Variants in GALNTL6 observed in about 807,000 individuals in gnomAD.
GALNTL6 encodes the protein polypeptide N-acetylgalactosaminyltransferase like 6.
Under a neutral mutation model 73.7 loss-of-function variants are expected in GALNTL6, and 46 were observed. That is an observed-to-expected ratio of 0.62 (90% CI 0.49 to 0.80). The LOEUF (loss-of-function observed/expected upper bound fraction) is 0.80, where lower values mean the gene tolerates loss of function less well. Ranked by LOEUF, GALNTL6 falls within the 30% of genes least tolerant of loss-of-function variation. GALNTL6 has a pLI of 0.00. For synonymous variants in GALNTL6, 259 were observed against 263.7 expected (o/e 0.98, Z 0.17); for missense variants, 604 against 755.0 (o/e 0.80, Z 2.34).
At chr4:172,255,092 G>A (rs1738026123) in intron 3 of GALNTL6, among the ~76,000 whole-genome samples, 2 of 151,630 alleles carry the variant, frequency 1.3e-5, no homozygotes, top group African/African-American at 4.8e-5. Flanking sequence ...TTAAACAATT[G>A]TTTAATGTCA....
intron 5 of GALNTL6, among the ~76,000 whole-genome samples, chr4:172,387,537 G>A (rs1294655555): frequency 6.6e-6 from 1 of 152,064 alleles, no homozygotes; most frequent in Non-Finnish European, 1.5e-5. Context: ...TACCCAATGA[G>A]TCATTTTTCT....
At chr4:172,516,697 G>C (rs1734618714) in intron 5 of GALNTL6, among the ~76,000 whole-genome samples, 1 of 152,002 alleles carries the variant, frequency 6.6e-6, no homozygotes, top group Admixed American at 6.6e-5. Flanking sequence ...ACATCCAAAA[G>C]AATTGAAAGC....
intron 2 of GALNTL6, among the ~76,000 whole-genome samples, chr4:171,834,712 C>T (rs531278416): frequency 6.6e-6 from 1 of 151,944 alleles, no homozygotes; most frequent in East Asian, 1.9e-4. Context: ...AAAGATGTGT[C>T]CCTAGAAAAT....
intron 2 of GALNTL6, among the ~76,000 whole-genome samples, chr4:171,890,851 A>G (rs147035723): frequency 6.6e-6 from 1 of 151,878 alleles, no homozygotes; most frequent in East Asian, 1.9e-4. Flanking sequence ...TCAAGTCATT[A>G]CCGGTAAAAT....
At chr4:171,936,218 T>C (rs1334917805) in intron 2 of GALNTL6, among the ~76,000 whole-genome samples, 1 of 152,070 alleles carries the variant, frequency 6.6e-6, no homozygotes, top group Non-Finnish European at 1.5e-5. Context: ...TAATAGAAGT[T>C]TGAAGGCAAG....
chr4:172,778,714 G>A (rs11132967), intron 5 of GALNTL6, among the ~76,000 whole-genome samples: 79,625 of 152,006 alleles, frequency 0.52, 21,621 homozygotes, highest in East Asian at 0.78. Context: ...CAACTGTCAC[G>A]ACCAAACTTG....
At chr4:172,169,962 G>T (rs1156447613) in intron 2 of GALNTL6, among the ~76,000 whole-genome samples, 1 of 152,196 alleles carries the variant, frequency 6.6e-6, no homozygotes, top group South Asian at 2.1e-4. Context: ...TCATTTGACA[G>T]AAAGGAAAAC....
At chr4:172,270,949 T>A (rs200635496) in intron 3 of GALNTL6, among the ~76,000 whole-genome samples, 2 of 152,170 alleles carry the variant, frequency 1.3e-5, no homozygotes, top group East Asian at 3.8e-4. Context: ...CAGATTTTAT[T>A]GAAATAAAAT....
At chr4:171,929,612 C>A (rs1023612724) in intron 2 of GALNTL6, among the ~76,000 whole-genome samples, 1 of 152,210 alleles carries the variant, frequency 6.6e-6, no homozygotes, top group Non-Finnish European at 1.5e-5. Flanking sequence ...CTAGCCAGCC[C>A]ACTGTACGTG....
intron 2 of GALNTL6, among the ~76,000 whole-genome samples, chr4:171,874,279 G>A (rs951143380): frequency 6.6e-6 from 1 of 151,904 alleles, no homozygotes; most frequent in Non-Finnish European, 1.5e-5. Context: ...CTTGGCTCAC[G>A]GCAACCTCCG....
chr4:172,311,524 C>T (rs761520528), intron 3 of GALNTL6, 90 bp from the exon 4 acceptor site: 12 of 1,059,080 alleles, frequency 1.1e-5, no homozygotes, highest in Middle Eastern at 2.2e-4. Context: ...CAGCAATAGG[C>T]GATAATACAC....
intron 2 of GALNTL6, among the ~76,000 whole-genome samples, chr4:171,950,604 C>T (rs916675472): frequency 3.3e-5 from 5 of 151,818 alleles, no homozygotes; most frequent in East Asian, 1.9e-4. Context: ...CTCAGCCTCC[C>T]GAGTAGCTGG....
rs577410386 is a variant in GALNTL6 at position 172,594,335 on chromosome 4, ACT to A, written c.554-215023_554-215022del. Among the ~76,000 whole-genome samples, 78 of 152,158 alleles carry A rather than the reference ACT, an allele frequency of 5.1e-4. 1 individual carries two copies. The South Asian group carries it at 0.016, about 31-fold the overall frequency. Reference sequence around the variant, plus strand: ...ACTCCAGCCTGGGTGACAGAGCGAAACTCTGTCTCAAAAAAAGTAAAAAGAAA... The same window carrying A: ...ACTCCAGCCTGGGTGACAGAGCGAAACTGTCTCAAAAAAAGTAAAAAGAAA... On this transcript the variant is annotated intron_variant, in intron 5 of 12. Transcript: ENST00000506823.
intron 10 of GALNTL6, among the ~76,000 whole-genome samples, chr4:173,008,583 G>A (rs893156703): frequency 6.6e-6 from 1 of 152,204 alleles, no homozygotes; most frequent in African/African-American, 2.4e-5. Context: ...GAGACGGGAG[G>A]AAACCTCAAA....
chr4:172,707,588 T>C (rs542746264), intron 5 of GALNTL6, among the ~76,000 whole-genome samples: 2 of 152,306 alleles, frequency 1.3e-5, no homozygotes, highest in African/African-American at 2.4e-5. Flanking sequence ...TTGTTAACTG[T>C]TGTTAAAGGC....
intron 5 of GALNTL6, among the ~76,000 whole-genome samples, chr4:172,598,065 G>C (rs1737928124): frequency 6.6e-6 from 1 of 151,854 alleles, no homozygotes. Flanking sequence ...ACCACCTTTG[G>C]TATTTAGGAA....
intron 2 of GALNTL6, among the ~76,000 whole-genome samples, chr4:171,851,540 A>T (rs533601874): frequency 6.6e-6 from 1 of 151,964 alleles, no homozygotes; most frequent in East Asian, 1.9e-4. Context: ...AAGCAATAAC[A>T]CTCTCAGATA....
chr4:172,557,103 T>C (rs941219072), intron 5 of GALNTL6, among the ~76,000 whole-genome samples: 1 of 152,100 alleles, frequency 6.6e-6, no homozygotes, highest in Non-Finnish European at 1.5e-5. Context: ...TGTAACCCTT[T>C]CGTTGCATTT....
chr4:172,739,075 G>C (rs752633447), intron 5 of GALNTL6, among the ~76,000 whole-genome samples: 20 of 152,098 alleles, frequency 1.3e-4, no homozygotes, highest in Non-Finnish European at 2.2e-4. Context: ...GTATAGTGAG[G>C]CATATCCCAC....
Sources: gnomAD v4.1 joint callset for allele counts (sites outside exome capture counted in the v4.1 genomes callset) on GRCh38, gnomAD v4.1.1 for gene constraint, MANE v1.5 for transcripts, NCBI Gene and HGNC (gene_info 2026-07-23, HGNC 2026-07-21) for gene names.